Variants in TCF20 observed in about 807,000 individuals in gnomAD.
The protein encoded by TCF20 is transcription factor 20.
TCF20 carries 3 observed loss-of-function variants against 148.6 expected under a neutral mutation model. The ratio of observed to expected loss-of-function variants is 0.02; its 90% CI spans 0.01 to 0.05. TCF20 has a LOEUF of 0.05. Among genes scored for constraint, TCF20 ranks in the 10% least tolerant of loss-of-function variants. The probability of loss-of-function intolerance (pLI) is 1.00; values close to 1 mark genes in which losing one functional copy is unlikely to be tolerated. For synonymous variants in TCF20, 1,049 were observed against 909.5 expected, an observed-to-expected ratio of 1.15 and a Z score of -2.76; for missense variants, 2,350 against 2,429.3, an observed-to-expected ratio of 0.97 and a Z score of 0.69.
chr22:42,254,349 C>A (rs1925602671), intron 1 of TCF20, among the ~76,000 whole-genome samples: 2 of 152,180 alleles, frequency 1.3e-5, no homozygotes, highest in Non-Finnish European at 2.9e-5. Flanking sequence ...AAACTAAACT[C>A]TTCCTCTTCA....
intron 2 of TCF20, among the ~76,000 whole-genome samples, chr22:42,189,180 T>A (rs1008628313): frequency 1.4e-4 from 21 of 152,066 alleles, no homozygotes; most frequent in African/African-American, 4.6e-4. Context: ...GTACTGGTGG[T>A]GGAAATGCAT....
chr22:42,292,744 C>T lies in TCF20; in HGVS notation c.-37+50735G>A, dbSNP rs1269969637. On this transcript the variant is annotated intron_variant, in intron 1 of 1. Transcript: ENST00000515426. This position sits in a 1 kb window ranked among gnomAD's most constrained non-coding sequence, Gnocchi z 4.9. ...AGGAAGACAAGGCTCGGATTGGATT[C>T]TCAGGCCTCTCTGCTCCCAGCCAGC... Among the ~76,000 whole-genome samples, 3 of 152,022 alleles carry T rather than the reference C, an allele frequency of 2.0e-5. No homozygotes were observed. The highest frequency in any genetic ancestry group is 4.4e-5 in the Non-Finnish European group (3 of 68,006).
chr22:42,315,453 C>T (rs1316982546), intron 1 of TCF20, among the ~76,000 whole-genome samples: 1 of 152,198 alleles, frequency 6.6e-6, no homozygotes, highest in African/African-American at 2.4e-5. Context: ...GAAAGGAGGG[C>T]AGCCCAGGCA....
chr22:42,228,801 T>C (rs1320914084), intron 1 of TCF20, among the ~76,000 whole-genome samples: 2 of 152,048 alleles, frequency 1.3e-5, no homozygotes, highest in East Asian at 3.9e-4. Context: ...GTAGATGAGA[T>C]CACCCAGAGC....
At position 42,211,329 on chromosome 22, in the gene TCF20, C is replaced by T; in HGVS notation, c.3977G>A (p.Arg1326Lys). 6.2e-7 allele frequency: 1 copy of T among 1,614,150 alleles called. No individual in the cohort carries two copies. Among genetic ancestry groups the T allele is most frequent in the Non-Finnish European group, 8.5e-7 (1 of 1,180,038 alleles). ...TGTGAGGGTAACAGCAGGGCAGTTT[C>T]TACTATCTGGACTTGGAAGGTCCTT... ...SSKDLPSPDS[R>K]NCPAVTLTSP... The change falls in exon 2 of 6, where the codon AGA becomes AAA. Residue 1326 changes from arginine to lysine, a missense_variant. By Grantham distance (26) the Arg-to-Lys change is conservative (BLOSUM62 2). Transcript: ENST00000677622.
chr22:42,258,087 G>C (rs370073751), intron 1 of TCF20, among the ~76,000 whole-genome samples: 1 of 152,158 alleles, frequency 6.6e-6, no homozygotes, highest in Non-Finnish European at 1.5e-5. Flanking sequence ...TCCAAAACTA[G>C]ACAAAGGATT....
chr22:42,234,216 G>A (rs937898277), intron 1 of TCF20, among the ~76,000 whole-genome samples: 1 of 152,192 alleles, frequency 6.6e-6, no homozygotes, highest in African/African-American at 2.4e-5. Flanking sequence ...GAAAATATAG[G>A]AGGGGACAAA....
chr22:42,308,516 C>T (rs1427658509), intron 1 of TCF20, among the ~76,000 whole-genome samples: 1 of 152,060 alleles, frequency 6.6e-6, no homozygotes, highest in African/African-American at 2.4e-5. Flanking sequence ...GTAATGAAGG[C>T]CCCAAAGCAC....
At chr22:42,321,723 G>T (rs915865641) in intron 1 of TCF20, among the ~76,000 whole-genome samples, 1 of 151,698 alleles carries the variant, frequency 6.6e-6, no homozygotes, top group African/African-American at 2.4e-5. Flanking sequence ...GAGGTGGGCC[G>T]ATCACCTGAG....
chr22:42,285,416 G>A (rs754352171), upstream of TCF20, among the ~76,000 whole-genome samples: 6 of 151,866 alleles, frequency 4.0e-5, no homozygotes, highest in East Asian at 5.8e-4. The surrounding 1 kb of genome is among the most constrained non-coding windows in gnomAD (Gnocchi z 4.2). Context: ...TTCCCGCCTC[G>A]GTCCTTGGGA....
Position 42,210,393 on chromosome 22 carries a change from A to G in TCF20, c.4913T>C (p.Val1638Ala), listed in dbSNP as rs1244773946. 1 of 1,614,122 alleles carries G rather than the reference A, an allele frequency of 6.2e-7. No individual in the cohort carries two copies. Among genetic ancestry groups the G allele is most frequent in the East Asian group, 2.2e-5 (1 of 44,880 alleles). ...AACGGCTCCAAGTTCACACTTATTTACTACATGGATGTAAGGGTAAAAAGA... is the reference window on the plus strand; with the variant it reads ...AACGGCTCCAAGTTCACACTTATTTGCTACATGGATGTAAGGGTAAAAAGA... Reference protein sequence around the residue: ...NKSFYPYIHVVNKCELGAVCT... With the variant: ...NKSFYPYIHVANKCELGAVCT... Residue 1638 changes from valine to alanine, a missense_variant, in exon 2 of 6, where the codon GTA becomes GCA. Physicochemically the swap from Val to Ala is moderately conservative, Grantham distance 64. This residue lies in a region of TCF20 where 374 missense variants were observed against 398.3 expected (regional missense o/e 0.94). Coordinates refer to ENST00000677622, the MANE Select transcript of TCF20 (RefSeq NM_001378418.1). This position sits in a 1 kb window ranked among gnomAD's most constrained non-coding sequence, Gnocchi z 4.7.
At chr22:42,323,588 G>A (rs1053062616) in intron 1 of TCF20, among the ~76,000 whole-genome samples, 2 of 151,778 alleles carry the variant, frequency 1.3e-5, no homozygotes. Flanking sequence ...AGGGGATATA[G>A]CAAATGCAAA....
intron 3 of TCF20, among the ~76,000 whole-genome samples, chr22:42,172,969 G>A (rs1054110584): frequency 6.6e-6 from 1 of 152,132 alleles, no homozygotes; most frequent in African/African-American, 2.4e-5. Context: ...TGTCCCCCGG[G>A]GAGGAGTCAG....
At chr22:42,220,883 C>T (rs923921989) in intron 1 of TCF20, among the ~76,000 whole-genome samples, 1 of 152,222 alleles carries the variant, frequency 6.6e-6, no homozygotes, top group Admixed American at 6.5e-5. Context: ...ACTTCATCCT[C>T]TGCCCTTCAG....
At chr22:42,308,002 T>C (rs529298151) in intron 1 of TCF20, among the ~76,000 whole-genome samples, 1 of 152,368 alleles carries the variant, frequency 6.6e-6, no homozygotes, top group East Asian at 1.9e-4. Context: ...TAGAATGAGT[T>C]AAGACCAGAT....
intron 1 of TCF20, among the ~76,000 whole-genome samples, chr22:42,220,546 T>G (rs1922264845): frequency 6.6e-6 from 1 of 152,130 alleles, no homozygotes; most frequent in Non-Finnish European, 1.5e-5. Flanking sequence ...TTCTTTGCCT[T>G]TAAATCCTCA....
rs766229168 is a variant in TCF20 at position 42,168,718 on chromosome 22, G to A, written c.5818C>T (p.Leu1940Phe). ...PKHKPPLPCP[L>F]PPLQNKTAKG... ...GCGGTCTTGTTCTGCAAGGGGGGGA[G>A]AGGGCACGGAAGGGGAGGCTGACAC... The change falls in exon 5 of 6, where the codon CTC becomes TTC. Residue 1940 changes from leucine to phenylalanine, a missense_variant. Physicochemically the swap from Leu to Phe is conservative, Grantham distance 22 (BLOSUM62 0). This residue lies in a region of TCF20 where 67 missense variants were observed against 60.8 expected (regional missense o/e 1.10). Coordinates refer to ENST00000677622, the MANE Select transcript of TCF20 (RefSeq NM_001378418.1). The A allele has an allele frequency of 6.2e-7, 1 of 1,610,890 alleles. No homozygotes were observed. The highest frequency in any genetic ancestry group is 1.1e-5 in the South Asian group (1 of 90,696).
At chr22:42,273,496 T>C (rs1394299708), upstream of TCF20, among the ~76,000 whole-genome samples, 1 of 151,792 alleles carries the variant, frequency 6.6e-6, no homozygotes, top group African/African-American at 2.4e-5. Flanking sequence ...CTGCCCAAGA[T>C]TGCACAGTGG....
intron 1 of TCF20, among the ~76,000 whole-genome samples, chr22:42,260,371 T>C (rs534189482): frequency 1.5e-4 from 23 of 152,228 alleles, no homozygotes; most frequent in African/African-American, 4.1e-4. Flanking sequence ...AGGAAGGCAA[T>C]TGACATAATC....
Sources: gnomAD v4.1 joint callset for allele counts (sites outside exome capture counted in the v4.1 genomes callset) on GRCh38, gnomAD v4.1.1 for gene constraint, gnomAD v4.1.1 regional missense constraint, Gnocchi (gnomAD v3.1) non-coding constraint, MANE v1.5 for transcripts, NCBI Gene and HGNC (gene_info 2026-07-23, HGNC 2026-07-21) for gene names.